The following KCNG2 variants were observed in gnomAD, a reference collection of about 807,000 sequenced individuals.
KCNG2 encodes the protein voltage-gated potassium channel regulatory subunit KCNG2.
In KCNG2, 7 loss-of-function variants were observed where a neutral mutation model predicts 12.3. That is an observed-to-expected ratio of 0.57 (90% CI 0.32 to 1.07). The LOEUF (loss-of-function observed/expected upper bound fraction) is 1.07. Among genes scored for constraint, KCNG2 ranks in the 50% least tolerant of loss-of-function variants. The pLI is 0.04. For missense variants in KCNG2, 703 were observed against 726.0 expected (o/e 0.97, Z 0.36); for synonymous variants, 414 against 351.4 (o/e 1.18, Z -1.99).
rs2087426610 is a variant in KCNG2, at chr18:79,803,497, A to C, written c.-115+5483A>C. On this transcript the variant is annotated intron_variant, in intron 1 of 3. Coordinates refer to ENST00000316249, the MANE Select transcript of KCNG2 (RefSeq NM_012283.2). This position sits in a 1 kb window ranked among gnomAD's most constrained non-coding sequence, Gnocchi z 4.5. ...TAATACTTGCCAAATTAGAAACGGA[A>C]ACATTCTAGGGTGAAGAAAACAGTG... Among the ~76,000 whole-genome samples the C allele has an allele frequency of 6.6e-6, 1 of 152,236 alleles. No individual in the cohort carries two copies. The highest frequency in any genetic ancestry group is 2.4e-5 in the African/African-American group (1 of 41,456).
chr18:79,877,197 G>A (rs1039661521), intron 3 of KCNG2, among the ~76,000 whole-genome samples: 3 of 152,232 alleles, frequency 2.0e-5, no homozygotes, highest in Non-Finnish European at 4.4e-5. Context: ...AAACTGTTAT[G>A]AATTCATAGT....
chr18:79,888,398 G>A (rs554706416), intron 3 of KCNG2, among the ~76,000 whole-genome samples: 37 of 151,348 alleles, frequency 2.4e-4, no homozygotes, highest in Non-Finnish European at 2.7e-4. Flanking sequence ...CGGTGGGGCC[G>A]GGACGGCGGC....
Position 79,800,518 on chromosome 18 carries a change from A to G in KCNG2, c.-115+2504A>G, listed in dbSNP as rs1369384692. 2.0e-5 allele frequency among the ~76,000 whole-genome samples: 3 copies of G among 152,188 alleles called. No homozygotes were observed. Among genetic ancestry groups the G allele is most frequent in the Admixed American group, 6.5e-5 (1 of 15,288 alleles). On this transcript the variant is annotated intron_variant, in intron 1 of 3. Coordinates refer to ENST00000316249, the MANE Select transcript of KCNG2 (RefSeq NM_012283.2). This position sits in a 1 kb window ranked among gnomAD's most constrained non-coding sequence, Gnocchi z 4.0. Reference sequence around the variant, plus strand: ...CTTCCTCAGATGAGGCTTGGGAGGCAGGATCTCGGCCCCCTAAACCGGCTG... The same window carrying G: ...CTTCCTCAGATGAGGCTTGGGAGGCGGGATCTCGGCCCCCTAAACCGGCTG...
chr18:79,845,521 G>GTAC (rs1474824954), intron 1 of KCNG2, among the ~76,000 whole-genome samples: 5 of 152,194 alleles, frequency 3.3e-5, no homozygotes, highest in African/African-American at 1.2e-4. Flanking sequence ...ATATGCAGCT[G>GTAC]TACTGTACAT....
At chr18:79,863,012 G>C (rs1330078871) in intron 2 of KCNG2, among the ~76,000 whole-genome samples, 1 of 152,218 alleles carries the variant, frequency 6.6e-6, no homozygotes, top group Admixed American at 6.5e-5. Context: ...CCCACGGTTG[G>C]TGCAAGCTTT....
intron 1 of KCNG2, among the ~76,000 whole-genome samples, chr18:79,824,560 G>A (rs529902270): frequency 6.6e-5 from 10 of 152,286 alleles, no homozygotes; most frequent in Admixed American, 3.9e-4. Flanking sequence ...ATATATCAGA[G>A]GTAGTGGGTA....
chr18:79,858,126 G>A lies in KCNG2; in HGVS notation c.-41+1674G>A, dbSNP rs377725214. Among the ~76,000 whole-genome samples, 486 of 151,962 alleles carry A rather than the reference G, an allele frequency of 3.2e-3. 2 individuals carry two copies. Among genetic ancestry groups the A allele is most frequent in the Non-Finnish European group, 5.5e-3 (373 of 67,958 alleles). On this transcript the variant is annotated intron_variant, in intron 2 of 3. Transcript: ENST00000316249. Reference sequence around the variant, plus strand: ...AGTGATTCTCCTGCCTCAGCCTCCCGAGTAGCTGGGACTACAGGCGCCCGC... The same window carrying A: ...AGTGATTCTCCTGCCTCAGCCTCCCAAGTAGCTGGGACTACAGGCGCCCGC...
chr18:79,899,235 C>A lies in KCNG2; in HGVS notation c.820C>A (p.Pro274Thr). The A allele has an allele frequency of 6.3e-7, 1 of 1,598,188 alleles. No individual in the cohort carries two copies. Among genetic ancestry groups the A allele is most frequent in the Non-Finnish European group, 8.5e-7 (1 of 1,178,166 alleles). ...GCTGCTGCTGGGGCTGGCGGCAGGC[C>A]CGGGCGGGACCAAGCTCCTGGAGCG... ...VSLLLGLAAG[P>T]GGTKLLERAG... Residue 274 changes from proline (P) to threonine (T), a missense_variant, in exon 4 of 4, where the codon CCG becomes ACG. Transcript: ENST00000316249.
chr18:79,878,140 C>T (rs1038116024), intron 3 of KCNG2, among the ~76,000 whole-genome samples: 4 of 152,252 alleles, frequency 2.6e-5, no homozygotes, highest in Non-Finnish European at 5.9e-5. Context: ...ACACACAGAG[C>T]GCCACAGGAA....
At chr18:79,856,886 C>T (rs1207689726) in intron 2 of KCNG2, among the ~76,000 whole-genome samples, 1 of 151,746 alleles carries the variant, frequency 6.6e-6, no homozygotes, top group Non-Finnish European at 1.5e-5. Context: ...GCCTTTAATC[C>T]CCCAGAGCGC....
intron 1 of KCNG2, among the ~76,000 whole-genome samples, 111 bp downstream of exon 1, chr18:79,798,125 C>A (rs1027859397): frequency 6.6e-6 from 1 of 151,208 alleles, no homozygotes; most frequent in Non-Finnish European, 1.5e-5. Context: ...TGGTTCCGCG[C>A]GCAGCTTCTT....
Position 79,879,648 on chromosome 18 carries a change from G to A in KCNG2, c.624+15357G>A, listed in dbSNP as rs114794605. Reference sequence around the variant, plus strand: ...GATGCACCGCTGGGAGGTTAATCCAGAAGTCCCGCTCTGGCCTACCAGGGT... The same window carrying A: ...GATGCACCGCTGGGAGGTTAATCCAAAAGTCCCGCTCTGGCCTACCAGGGT... On this transcript the variant is annotated intron_variant, in intron 3 of 3. Coordinates refer to ENST00000316249, the MANE Select transcript of KCNG2 (RefSeq NM_012283.2). 1.4e-3 allele frequency among the ~76,000 whole-genome samples: 214 copies of A among 152,328 alleles called. 1 individual carries two copies. Among genetic ancestry groups the A allele is most frequent in the African/African-American group, 4.9e-3 (202 of 41,578 alleles).
At chr18:79,814,323 C>A (rs1292888848) in intron 1 of KCNG2, among the ~76,000 whole-genome samples, 3 of 152,200 alleles carry the variant, frequency 2.0e-5, no homozygotes, top group African/African-American at 7.2e-5. Context: ...TTATTACTAA[C>A]AACCAAAAAC....
At chr18:79,829,274 G>A (rs972409945) in intron 1 of KCNG2, among the ~76,000 whole-genome samples, 24 of 151,808 alleles carry the variant, frequency 1.6e-4, no homozygotes, top group Admixed American at 1.6e-3. Flanking sequence ...GTGTGCATGT[G>A]TCTGTGTGTG....
chr18:79,871,255 C>T lies in KCNG2; in HGVS notation c.624+6964C>T, dbSNP rs920299491. Among the ~76,000 whole-genome samples the T allele has an allele frequency of 5.3e-5, 8 of 152,376 alleles. 1 individual carries two copies. Among genetic ancestry groups the T allele is most frequent in the Admixed American group, 2.6e-4 (4 of 15,310 alleles). ...AATCGCACCTCCCGCCTCCTGGCAG[C>T]GCAAAACGTGCTTGCGTCTGTCGCA... On this transcript the variant is annotated intron_variant, in intron 3 of 3. Coordinates refer to ENST00000316249, the MANE Select transcript of KCNG2 (RefSeq NM_012283.2).
intron 1 of KCNG2, among the ~76,000 whole-genome samples, chr18:79,807,643 C>T (rs1328833839): frequency 1.3e-5 from 2 of 152,218 alleles, no homozygotes; most frequent in Admixed American, 6.5e-5. Flanking sequence ...CCGCAGCACA[C>T]GCTGAAGAAA....
chr18:79,816,951 G>A (rs1002476709), intron 1 of KCNG2, among the ~76,000 whole-genome samples: 5 of 152,356 alleles, frequency 3.3e-5, no homozygotes, highest in South Asian at 4.1e-4. Flanking sequence ...TGAAAGGCAC[G>A]GCTGTCACAT....
In KCNG2 at chr18:79,864,313, G is replaced by A. The variant is rs552096139; in HGVS notation, c.624+22G>A. The stretch of plus-strand genomic sequence containing the variant: ...GCGGGTGAGCGCGGCCGGGGGTGGC[G>A]GGGACCGGGCCGGAGCTGGGGCTGG... On this transcript the variant is annotated intron_variant, in intron 3 of 3. Coordinates refer to ENST00000316249, the MANE Select transcript of KCNG2 (RefSeq NM_012283.2). The A allele has an allele frequency of 4.0e-6, 6 of 1,497,114 alleles. No homozygotes were observed. The African/African-American group carries it at 4.4e-5, about 11-fold the overall frequency. The allele number at this position is 1,497,114 out of a possible 1,614,324, so 92.7% of individuals were successfully genotyped here.
intron 3 of KCNG2, among the ~76,000 whole-genome samples, chr18:79,867,097 T>TGA (rs199625925): frequency 1.7e-4 from 23 of 134,372 alleles, no homozygotes; most frequent in Non-Finnish European, 3.0e-4. Context: ...GTCTGGGTGC[T>TGA]GAGGTCTGGG....
Sources: gnomAD v4.1 joint callset for allele counts (sites outside exome capture counted in the v4.1 genomes callset) on GRCh38, gnomAD v4.1.1 for gene constraint, Gnocchi (gnomAD v3.1) non-coding constraint, MANE v1.5 for transcripts, NCBI Gene and HGNC (gene_info 2026-07-23, HGNC 2026-07-21) for gene names.